The following SLCO5A1 variants were observed in gnomAD, a reference collection of about 807,000 sequenced individuals.
The protein encoded by SLCO5A1 is solute carrier organic anion transporter family member 5A1.
Under a neutral mutation model 65.1 loss-of-function variants are expected in SLCO5A1, and 39 were observed. The observed-to-expected ratio is 0.60, with a 90% CI of 0.46 to 0.78. The LOEUF (loss-of-function observed/expected upper bound fraction) is 0.78, where lower values mean the gene tolerates loss of function less well. Ranked by LOEUF, SLCO5A1 falls within the 30% of genes least tolerant of loss-of-function variation. SLCO5A1 has a pLI of 0.00. For missense variants in SLCO5A1, 1,029 were observed against 1,069.4 expected, an observed-to-expected ratio of 0.96 and a Z score of 0.53; for synonymous variants, 438 against 415.7, an observed-to-expected ratio of 1.05 and a Z score of -0.65.
At chr8:69,676,774 C>T in intron 8 of SLCO5A1, 101 bp from the exon 9 acceptor site, 3 of 864,804 alleles carry the variant, frequency 3.5e-6, no homozygotes, top group Non-Finnish European at 5.4e-6. Flanking sequence ...ACTAAAGATG[C>T]CATGCCAAAA....
intron 6 of SLCO5A1, among the ~76,000 whole-genome samples, chr8:69,692,805 T>C (rs991091355): frequency 6.6e-6 from 1 of 152,226 alleles, no homozygotes; most frequent in Admixed American, 6.5e-5. Flanking sequence ...AAGATAACAA[T>C]GCCTTCTTTC....
chr8:69,784,393 T>C (rs1379808177), intron 2 of SLCO5A1, among the ~76,000 whole-genome samples: 2 of 152,142 alleles, frequency 1.3e-5, no homozygotes, highest in Admixed American at 1.3e-4. Context: ...CCATATCAAG[T>C]AGTAGCAAGG....
chr8:69,813,550 A>G (rs1390687654), intron 2 of SLCO5A1, among the ~76,000 whole-genome samples: 1 of 152,212 alleles, frequency 6.6e-6, no homozygotes, highest in East Asian at 1.9e-4. Flanking sequence ...ACCATCAGGT[A>G]ATACACAGCT....
At chr8:69,767,697 C>A (rs1714787449) in intron 2 of SLCO5A1, among the ~76,000 whole-genome samples, 1 of 151,634 alleles carries the variant, frequency 6.6e-6, no homozygotes, top group African/African-American at 2.4e-5. Flanking sequence ...CGAGACCAGC[C>A]TGACCAACAT....
chr8:69,800,097 A>G (rs552517183), intron 2 of SLCO5A1, among the ~76,000 whole-genome samples: 39 of 152,196 alleles, frequency 2.6e-4, no homozygotes, highest in African/African-American at 6.7e-4. Flanking sequence ...AATTTTGGTC[A>G]CCTATTTCAG....
intron 6 of SLCO5A1, among the ~76,000 whole-genome samples, chr8:69,699,565 AG>A (rs1287249467): frequency 0.023 from 1,724 of 75,704 alleles, 32 homozygotes; most frequent in African/African-American, 0.16. Context: ...ACACACACAC[AG>A]CAAACTGCTC....
At chr8:69,733,101 G>A (rs1816409411) in intron 5 of SLCO5A1, among the ~76,000 whole-genome samples, 1 of 152,082 alleles carries the variant, frequency 6.6e-6, no homozygotes. Context: ...AATTGCTTAG[G>A]TAGAGCCTTG....
chr8:69,754,818 GC>G (rs1376440088), intron 4 of SLCO5A1, among the ~76,000 whole-genome samples: 1 of 152,102 alleles, frequency 6.6e-6, no homozygotes, highest in African/African-American at 2.4e-5. Context: ...CCTTCTGGAT[GC>G]TTTTACACTG....
intron 2 of SLCO5A1, among the ~76,000 whole-genome samples, chr8:69,819,787 C>G (rs568681744): frequency 3.3e-4 from 50 of 152,068 alleles, no homozygotes; most frequent in African/African-American, 1.2e-3. Context: ...CATGGAGAAA[C>G]CCCATCTCTA....
intron 3 of SLCO5A1, 71 bp from the exon 4 acceptor site, chr8:69,755,712 GA>G: frequency 1.4e-6 from 2 of 1,391,138 alleles, no homozygotes; most frequent in Non-Finnish European, 1.9e-6. Flanking sequence ...TAGTAAAGCA[GA>G]AGTTTGTGGT....
At chr8:69,695,108 G>A (rs191937868) in intron 6 of SLCO5A1, among the ~76,000 whole-genome samples, 152 of 152,286 alleles carry the variant, frequency 1.0e-3, no homozygotes, top group South Asian at 3.7e-3. Flanking sequence ...CATATACAAA[G>A]TGCTAGATTC....
intron 8 of SLCO5A1, 125 bp downstream of exon 8, chr8:69,679,253 C>T (rs556882862): frequency 2.6e-5 from 34 of 1,294,724 alleles, no homozygotes; most frequent in Middle Eastern, 2.4e-4. Context: ...AATATCTGAG[C>T]GCCCTCCTGC....
At chr8:69,703,277 A>G (rs544413004) in intron 6 of SLCO5A1, among the ~76,000 whole-genome samples, 160 of 152,190 alleles carry the variant, frequency 1.1e-3, no homozygotes, top group Non-Finnish European at 2.1e-3. Context: ...TGTGGAGGTA[A>G]TTTGGTACTA....
chr8:69,754,110 T>C (rs925247774), intron 4 of SLCO5A1, among the ~76,000 whole-genome samples: 2 of 151,954 alleles, frequency 1.3e-5, no homozygotes, highest in African/African-American at 4.8e-5. Context: ...ACTCTTTTGA[T>C]AGTAGCCATA....
intron 5 of SLCO5A1, among the ~76,000 whole-genome samples, chr8:69,737,631 A>G (rs941794656): frequency 1.3e-5 from 2 of 152,206 alleles, no homozygotes; most frequent in Non-Finnish European, 2.9e-5. Flanking sequence ...AAATCTGTTC[A>G]CATTTCTGAA....
chr8:69,783,843 T>C (rs1015431710), intron 2 of SLCO5A1, among the ~76,000 whole-genome samples: 7 of 152,172 alleles, frequency 4.6e-5, no homozygotes, highest in African/African-American at 1.7e-4. Context: ...TCATTATACA[T>C]TTGTACAAGC....
Position 69,832,862 on chromosome 8 carries a change from A to G in SLCO5A1, c.-189T>C, listed in dbSNP as rs530136745. ...CGCCCAGTGCATCCTGATCACAGAC[A>G]CGGCTTCAAGGCTCCGCAGCCGCGT... On this transcript the variant is annotated 5_prime_UTR_variant, in exon 2 of 10. Coordinates refer to ENST00000260126, the MANE Select transcript of SLCO5A1 (RefSeq NM_030958.3). This position sits in a 1 kb window ranked among gnomAD's most constrained non-coding sequence, Gnocchi z 4.5. 14 of 659,608 alleles carry G rather than the reference A, an allele frequency of 2.1e-5. No individual in the cohort carries two copies. The South Asian group carries it at 2.3e-4, about 11-fold the overall frequency. 40.9% of individuals were successfully genotyped at this position (659,608 alleles called of 1,614,324 possible).
chr8:69,736,159 C>T (rs147216574), intron 5 of SLCO5A1, among the ~76,000 whole-genome samples: 35 of 152,330 alleles, frequency 2.3e-4, no homozygotes, highest in Non-Finnish European at 8.8e-5. Flanking sequence ...GGGATGAACA[C>T]TGTGAGTTAG....
At chr8:69,732,621 C>T (rs572039357) in intron 5 of SLCO5A1, among the ~76,000 whole-genome samples, 8 of 152,126 alleles carry the variant, frequency 5.3e-5, no homozygotes, top group Non-Finnish European at 1.0e-4. Context: ...AGCACTGTGA[C>T]CCCAAGTGGG....
Sources: gnomAD v4.1 joint callset for allele counts (sites outside exome capture counted in the v4.1 genomes callset) on GRCh38, gnomAD v4.1.1 for gene constraint, Gnocchi (gnomAD v3.1) non-coding constraint, MANE v1.5 for transcripts, NCBI Gene and HGNC (gene_info 2026-07-23, HGNC 2026-07-21) for gene names.